Variants in GPC5 observed in about 807,000 individuals in gnomAD.
The protein encoded by GPC5 is glypican 5.
GPC5 carries 47 observed loss-of-function variants against 53.9 expected under a neutral mutation model. The observed-to-expected ratio is 0.87, with a 90% CI of 0.69 to 1.11. The LOEUF (loss-of-function observed/expected upper bound fraction) is 1.11. Ranked by LOEUF, GPC5 falls within the 50% of genes most tolerant of loss-of-function variation. The pLI is 0.00. For synonymous variants in GPC5, 286 were observed against 263.3 expected, an observed-to-expected ratio of 1.09 and a Z score of -0.84; for missense variants, 748 against 713.1, an observed-to-expected ratio of 1.05 and a Z score of -0.56.
intron 7 of GPC5, among the ~76,000 whole-genome samples, chr13:92,548,846 T>C (rs1341920163): frequency 6.6e-6 from 1 of 152,138 alleles, no homozygotes; most frequent in African/African-American, 2.4e-5. Flanking sequence ...TATTTCACAT[T>C]ATATGCCTGT....
chr13:92,245,508 C>A (rs1004402027), intron 7 of GPC5, among the ~76,000 whole-genome samples: 8 of 152,094 alleles, frequency 5.3e-5, no homozygotes, highest in Admixed American at 5.2e-4. Context: ...ATGGCAGGCA[C>A]TAAATAATTG....
chr13:92,194,068 A>C (rs1436619267), intron 7 of GPC5, among the ~76,000 whole-genome samples: 1 of 152,228 alleles, frequency 6.6e-6, no homozygotes, highest in African/African-American at 2.4e-5. Context: ...AAAGGAAAGA[A>C]GGGAGGAAGA....
chr13:92,787,750 AC>A (rs1876304624), intron 7 of GPC5, among the ~76,000 whole-genome samples: 3 of 151,158 alleles, frequency 2.0e-5, no homozygotes, highest in African/African-American at 7.3e-5. Context: ...GGTGACACAT[AC>A]TTATAGTCCC....
intron 7 of GPC5, among the ~76,000 whole-genome samples, chr13:92,390,516 T>G (rs1263739379): frequency 6.6e-6 from 1 of 152,182 alleles, no homozygotes; most frequent in Non-Finnish European, 1.5e-5. Context: ...AAGGAGCAGC[T>G]GCCTTTTATG....
chr13:92,272,812 T>C (rs1311166127), intron 7 of GPC5, among the ~76,000 whole-genome samples: 1 of 152,156 alleles, frequency 6.6e-6, no homozygotes, highest in Non-Finnish European at 1.5e-5. Context: ...TGGAGAAATA[T>C]AAACTTTCAT....
At chr13:92,082,859 A>C (rs1014338121) in intron 6 of GPC5, among the ~76,000 whole-genome samples, 12 of 152,298 alleles carry the variant, frequency 7.9e-5, no homozygotes, top group African/African-American at 2.4e-4. Context: ...GCTAGCTAAA[A>C]GTAGATATTT....
At chr13:91,571,629 G>C (rs1364531262) in intron 2 of GPC5, among the ~76,000 whole-genome samples, 3 of 151,714 alleles carry the variant, frequency 2.0e-5, no homozygotes, top group Non-Finnish European at 4.4e-5. Context: ...GGAGGCTGAG[G>C]CAGGAGAATC....
chr13:91,683,264 G>T (rs960432731), intron 2 of GPC5, among the ~76,000 whole-genome samples: 1 of 152,232 alleles, frequency 6.6e-6, no homozygotes, highest in Admixed American at 6.5e-5. Context: ...GCTGGAAAAA[G>T]AAAGGAATGA....
At chr13:92,132,888 G>A (rs1437951940) in intron 6 of GPC5, among the ~76,000 whole-genome samples, 2 of 152,022 alleles carry the variant, frequency 1.3e-5, no homozygotes, top group Non-Finnish European at 2.9e-5. Flanking sequence ...CCTGCAATAT[G>A]GCTTGATTAT....
At chr13:92,288,483 G>T (rs1672661210) in intron 7 of GPC5, among the ~76,000 whole-genome samples, 1 of 152,174 alleles carries the variant, frequency 6.6e-6, no homozygotes, top group African/African-American at 2.4e-5. Context: ...TGTATTCATT[G>T]TCATATGTGG....
At chr13:91,649,011 C>T (rs1384760386) in intron 2 of GPC5, among the ~76,000 whole-genome samples, 1 of 152,094 alleles carries the variant, frequency 6.6e-6, no homozygotes, top group African/African-American at 2.4e-5. Context: ...GGAGCGGTTA[C>T]CCCCATGCCG....
intron 6 of GPC5, among the ~76,000 whole-genome samples, chr13:92,029,773 G>C (rs1206887405): frequency 1.3e-5 from 2 of 152,114 alleles, no homozygotes; most frequent in Non-Finnish European, 2.9e-5. Flanking sequence ...CTGTTTTCTT[G>C]GATGGATCTT....
At chr13:92,473,537 T>C (rs75084475) in intron 7 of GPC5, among the ~76,000 whole-genome samples, 8,077 of 152,202 alleles carry the variant, frequency 0.053, 511 homozygotes, top group East Asian at 0.37. Flanking sequence ...TCTTAACAGA[T>C]TGAGGATTTT....
chr13:91,575,688 T>G (rs967922646), intron 2 of GPC5, among the ~76,000 whole-genome samples: 1 of 152,140 alleles, frequency 6.6e-6, no homozygotes, highest in Admixed American at 6.6e-5. Context: ...TCTTTAAAAC[T>G]TTTTTAGTTT....
intron 7 of GPC5, among the ~76,000 whole-genome samples, chr13:92,439,457 A>AT (rs1260826726): frequency 1.3e-5 from 2 of 152,264 alleles, no homozygotes; most frequent in East Asian, 1.9e-4. Context: ...TTTCTATAAT[A>AT]TTTTTTCATA....
intron 7 of GPC5, among the ~76,000 whole-genome samples, chr13:92,255,350 T>C (rs2042719771): frequency 6.6e-6 from 1 of 152,130 alleles, no homozygotes; most frequent in Non-Finnish European, 1.5e-5. Context: ...AAAACAACAA[T>C]GTGATTCGTC....
chr13:91,485,024 T>TA lies in GPC5; in HGVS notation c.325+36110dup, dbSNP rs528927454. Among the ~76,000 whole-genome samples the TA allele has an allele frequency of 1.7e-3, 254 of 152,160 alleles. 3 individuals are homozygous for TA. In the South Asian group the frequency reaches 0.028, roughly 17 times the overall value. ...CTGAGAGCTTGTTAGAAATGCAGAA[T>TA]AAAAAAAATGCAGAACCCCAGGCCC... On this transcript the variant is annotated intron_variant, in intron 2 of 7. Coordinates refer to ENST00000377067, the MANE Select transcript of GPC5 (RefSeq NM_004466.6).
rs138629167 is a variant in GPC5 at position 92,733,571 on chromosome 13, G to T, written c.1562-132711G>T. On this transcript the variant is annotated intron_variant, in intron 7 of 7. Coordinates refer to ENST00000377067, the MANE Select transcript of GPC5 (RefSeq NM_004466.6). ...CAAGTTGTGTGAAAATTAAATGCAA[G>T]AAATATTTAATAATGAAAAGACAAT... is the stretch of plus-strand genomic sequence containing the variant. 1.8e-4 allele frequency among the ~76,000 whole-genome samples: 27 copies of T among 151,758 alleles called. 1 individual carries two copies. In the East Asian group the frequency reaches 5.1e-3, roughly 28 times the overall value.
chr13:92,385,785 A>G (rs866504415), intron 7 of GPC5, among the ~76,000 whole-genome samples: 3,274 of 111,442 alleles, frequency 0.029, 153 homozygotes, highest in African/African-American at 0.11. Flanking sequence ...ACATATATGT[A>G]TATATATACA....
Sources: gnomAD v4.1 joint callset for allele counts (sites outside exome capture counted in the v4.1 genomes callset) on GRCh38, gnomAD v4.1.1 for gene constraint, MANE v1.5 for transcripts, NCBI Gene and HGNC (gene_info 2026-07-23, HGNC 2026-07-21) for gene names.